Variants in SNTG2 observed in about 807,000 individuals in gnomAD.
SNTG2 encodes the protein gamma-2-syntrophin.
Under a neutral mutation model 70.9 loss-of-function variants are expected in SNTG2, and 74 were observed. The ratio of observed to expected loss-of-function variants is 1.04; its 90% CI spans 0.86 to 1.27. The LOEUF (loss-of-function observed/expected upper bound fraction) is 1.27, where lower values mean the gene tolerates loss of function less well. SNTG2 is among the 50% of genes most tolerant of loss of function. The pLI, the probability that SNTG2 is intolerant of heterozygous loss-of-function variation, is 0.00. For synonymous variants in SNTG2, 278 were observed against 273.8 expected (o/e 1.02, Z -0.15); for missense variants, 717 against 690.7 (o/e 1.04, Z -0.43).
chr2:1,126,323 T>C (rs1008906137), intron 4 of SNTG2, among the ~76,000 whole-genome samples: 2 of 152,252 alleles, frequency 1.3e-5, no homozygotes, highest in Non-Finnish European at 2.9e-5. Context: ...TGTTTCATTC[T>C]GTGTGTGGCT....
intron 1 of SNTG2, among the ~76,000 whole-genome samples, chr2:1,022,233 T>C (rs1660221098): frequency 1.3e-5 from 2 of 152,010 alleles, no homozygotes; most frequent in South Asian, 2.1e-4. Flanking sequence ...CCTGATTTCC[T>C]GTGAGTCCCT....
At chr2:953,422 A>G (rs546600929) in intron 1 of SNTG2, among the ~76,000 whole-genome samples, 2 of 152,346 alleles carry the variant, frequency 1.3e-5, no homozygotes, top group South Asian at 4.1e-4. Flanking sequence ...TTATGTGATG[A>G]GCTTGCCCAC....
intron 7 of SNTG2, among the ~76,000 whole-genome samples, chr2:1,170,538 C>G (rs1000730892): frequency 2.0e-5 from 3 of 152,172 alleles, no homozygotes; most frequent in African/African-American, 4.8e-5. Flanking sequence ...ATGAGGATCT[C>G]CGTCTGCGCC....
At chr2:1,112,114 G>A (rs1666505045) in intron 4 of SNTG2, among the ~76,000 whole-genome samples, 1 of 151,482 alleles carries the variant, frequency 6.6e-6, no homozygotes, top group African/African-American at 2.4e-5. Flanking sequence ...AGTACTTTGA[G>A]GATAATCATG....
intron 8 of SNTG2, among the ~76,000 whole-genome samples, chr2:1,177,309 T>A (rs1000339079): frequency 1.3e-5 from 2 of 151,654 alleles, no homozygotes; most frequent in African/African-American, 2.4e-5. Flanking sequence ...CAGCACACAC[T>A]GGGGCCCGGC....
chr2:1,019,199 T>C (rs1258755981), intron 1 of SNTG2, among the ~76,000 whole-genome samples: 1 of 152,194 alleles, frequency 6.6e-6, no homozygotes, highest in Non-Finnish European at 1.5e-5. Flanking sequence ...CTCAGCTTCA[T>C]GTGATGGGCA....
intron 12 of SNTG2, among the ~76,000 whole-genome samples, chr2:1,258,221 C>T (rs771230204): frequency 2.0e-5 from 3 of 152,114 alleles, no homozygotes. Flanking sequence ...AGCATGGCTC[C>T]CCAGCTCTCA....
chr2:1,297,698 G>A (rs578207713), intron 14 of SNTG2, among the ~76,000 whole-genome samples: 2 of 152,194 alleles, frequency 1.3e-5, no homozygotes, highest in Non-Finnish European at 2.9e-5. Context: ...GAAGCATCAA[G>A]TGACAGGAAA....
intron 1 of SNTG2, among the ~76,000 whole-genome samples, chr2:955,277 A>G (rs1380454494): frequency 4.6e-5 from 7 of 152,264 alleles, no homozygotes; most frequent in Admixed American, 6.5e-5. Context: ...GATTCTGAGT[A>G]TCAACTCTGG....
intron 15 of SNTG2, among the ~76,000 whole-genome samples, chr2:1,311,587 C>G (rs894917410): frequency 1.3e-5 from 2 of 152,066 alleles, no homozygotes; most frequent in African/African-American, 4.8e-5. Flanking sequence ...CGTCAGTAGG[C>G]TTTCGATTAT....
At chr2:1,323,881 G>A (rs977627643) in intron 16 of SNTG2, among the ~76,000 whole-genome samples, 15 of 150,936 alleles carry the variant, frequency 9.9e-5, no homozygotes, top group African/African-American at 2.9e-4. Flanking sequence ...CCGCCACCCA[G>A]TAATGTGGGA....
intron 1 of SNTG2, among the ~76,000 whole-genome samples, chr2:1,028,562 C>A (rs1467019640): frequency 6.6e-6 from 1 of 152,144 alleles, no homozygotes; most frequent in Non-Finnish European, 1.5e-5. Flanking sequence ...AATGTCCAAA[C>A]CTTCTCAGCT....
In SNTG2 at chr2:1,165,534, T is replaced by C. The variant is rs1162423619; in HGVS notation, c.412-14T>C. On this transcript the variant is annotated splice_polypyrimidine_tract_variant and intron_variant, in intron 6 of 16. Coordinates refer to ENST00000308624, the MANE Select transcript of SNTG2 (RefSeq NM_018968.4). ...TTGTGGTGGTAAAAGTAGCTATTTT[T>C]GTCATATTGACAGGTGCATCTGCTG... The C allele has an allele frequency of 6.2e-7, 1 of 1,609,622 alleles. No individual in the cohort carries two copies. Among genetic ancestry groups the C allele is most frequent in the African/African-American group, 1.3e-5 (1 of 74,786 alleles).
chr2:1,335,229 A>G (rs978319584), intron 16 of SNTG2, among the ~76,000 whole-genome samples: 1 of 152,176 alleles, frequency 6.6e-6, no homozygotes, highest in Admixed American at 6.5e-5. Flanking sequence ...TGCTCCGTAA[A>G]TGTTTCCTGC....
chr2:975,276 C>T (rs1660873801), intron 1 of SNTG2, among the ~76,000 whole-genome samples: 1 of 151,934 alleles, frequency 6.6e-6, no homozygotes, highest in African/African-American at 2.4e-5. Context: ...TGAGCAAACA[C>T]CACACGCTTG....
At chr2:1,111,208 A>G (rs950046296) in intron 4 of SNTG2, among the ~76,000 whole-genome samples, 3 of 152,258 alleles carry the variant, frequency 2.0e-5, no homozygotes, top group Non-Finnish European at 4.4e-5. Context: ...CTTGACAAGG[A>G]TAATATAAAA....
At position 1,367,594 on chromosome 2, in the gene SNTG2, A is replaced by G; in HGVS notation, c.*120A>G. Reference sequence around the variant, plus strand: ...AGCCTATAGTTGTGATACCAATAAAACATGTCACTAGTTTCCAAAGACGGG... The same window carrying G: ...AGCCTATAGTTGTGATACCAATAAAGCATGTCACTAGTTTCCAAAGACGGG... On this transcript the variant is annotated 3_prime_UTR_variant, in exon 17 of 17. Coordinates refer to ENST00000308624, the MANE Select transcript of SNTG2 (RefSeq NM_018968.4). The G allele has an allele frequency of 4.1e-6, 5 of 1,227,608 alleles. No homozygotes were observed. The highest frequency in any genetic ancestry group is 5.5e-6 in the Non-Finnish European group (5 of 902,294). The allele number at this position is 1,227,608 out of a possible 1,614,324, so 76.0% of individuals were successfully genotyped here.
intron 1 of SNTG2, among the ~76,000 whole-genome samples, chr2:1,055,474 G>A (rs1177810059): frequency 1.3e-5 from 2 of 152,080 alleles, no homozygotes; most frequent in African/African-American, 4.8e-5. Flanking sequence ...TCCACCCACT[G>A]TGGAGGCTCA....
intron 1 of SNTG2, among the ~76,000 whole-genome samples, chr2:1,012,420 G>A (rs1659754176): frequency 6.6e-6 from 1 of 152,202 alleles, no homozygotes; most frequent in Admixed American, 6.5e-5. Context: ...CCTACAGCTG[G>A]GTGGGTGGGT....
Sources: gnomAD v4.1 joint callset for allele counts (sites outside exome capture counted in the v4.1 genomes callset) on GRCh38, gnomAD v4.1.1 for gene constraint, MANE v1.5 for transcripts, NCBI Gene and HGNC (gene_info 2026-07-23, HGNC 2026-07-21) for gene names.